Variants in MAF observed in about 807,000 individuals in gnomAD.
MAF encodes the protein MAF bZIP transcription factor.
MAF carries 10 observed loss-of-function variants against 22.0 expected under a neutral mutation model. The ratio of observed to expected loss-of-function variants is 0.45; its 90% CI spans 0.28 to 0.77. The LOEUF (loss-of-function observed/expected upper bound fraction) is 0.77, where lower values mean the gene tolerates loss of function less well. Among genes scored for constraint, MAF ranks in the 30% least tolerant of loss-of-function variants. MAF has a pLI of 0.12. For missense variants in MAF, 544 were observed against 548.4 expected (o/e 0.99, Z 0.08); for synonymous variants, 337 against 255.8 (o/e 1.32, Z -3.03).
At chr16:79,529,316 C>G in the MAF span, among the ~76,000 whole-genome samples, 4 of 152,162 alleles carry the variant, frequency 2.6e-5, no homozygotes, top group African/African-American at 9.7e-5. Flanking sequence ...CCCTCTCTAG[C>G]TGGAAGTTGG....
chr16:79,358,945 C>A, the MAF span, among the ~76,000 whole-genome samples: 1 of 152,278 alleles, frequency 6.6e-6, no homozygotes, highest in South Asian at 2.1e-4. Context: ...CAGGCCACCC[C>A]TGGCTGCTTG....
the MAF span, among the ~76,000 whole-genome samples, chr16:79,262,938 A>G: frequency 6.6e-6 from 1 of 152,194 alleles, no homozygotes; most frequent in Non-Finnish European, 1.5e-5. Context: ...GCAGCAGAGT[A>G]ATGAGTAGGA....
chr16:79,322,524 A>G, the MAF span, among the ~76,000 whole-genome samples: 1 of 152,212 alleles, frequency 6.6e-6, no homozygotes, highest in Non-Finnish European at 1.5e-5. Context: ...ACAAAACTAT[A>G]TTAAATACCT....
the MAF span, among the ~76,000 whole-genome samples, chr16:79,321,806 A>G: frequency 6.6e-6 from 1 of 151,904 alleles, no homozygotes; most frequent in Non-Finnish European, 1.5e-5. Context: ...GCCCACCACC[A>G]CACCTGGATA....
the MAF span, among the ~76,000 whole-genome samples, chr16:79,295,047 A>G: frequency 7.3e-5 from 11 of 150,938 alleles, no homozygotes; most frequent in Non-Finnish European, 7.4e-5. Context: ...GCTAGAAGCT[A>G]ATGCAGCAAA....
the MAF span, among the ~76,000 whole-genome samples, chr16:79,487,908 A>C: frequency 6.6e-6 from 1 of 152,284 alleles, no homozygotes; most frequent in Non-Finnish European, 1.5e-5. Flanking sequence ...TTAAATGAGA[A>C]TCTTTCCACG....
the MAF span, among the ~76,000 whole-genome samples, chr16:79,470,185 G>T: frequency 6.6e-6 from 1 of 152,316 alleles, no homozygotes; most frequent in South Asian, 2.1e-4. Context: ...TCACATGAGC[G>T]GCGGAGATAG....
At chr16:79,260,699 G>A in the MAF span, among the ~76,000 whole-genome samples, 1 of 152,324 alleles carries the variant, frequency 6.6e-6, no homozygotes, top group African/African-American at 2.4e-5. Context: ...ATCGGTGCCT[G>A]ATAGTCTTAG....
the MAF span, among the ~76,000 whole-genome samples, chr16:79,263,086 A>G: frequency 3.9e-5 from 6 of 152,190 alleles, no homozygotes; most frequent in African/African-American, 9.7e-5. Context: ...CAGGTCATCA[A>G]CACTCTTTTA....
the MAF span, among the ~76,000 whole-genome samples, chr16:79,415,766 C>G: frequency 6.6e-6 from 1 of 151,828 alleles, no homozygotes; most frequent in African/African-American, 2.4e-5. Context: ...CCTCCCCTTT[C>G]TATTGGGTGC....
chr16:79,407,514 G>C, the MAF span, among the ~76,000 whole-genome samples: 1 of 151,998 alleles, frequency 6.6e-6, no homozygotes, highest in African/African-American at 2.4e-5. Flanking sequence ...TGGGGGTGAA[G>C]TCCTGTAATC....
At chr16:79,472,827 G>A in the MAF span, among the ~76,000 whole-genome samples, 24 of 151,900 alleles carry the variant, frequency 1.6e-4, no homozygotes, top group African/African-American at 5.8e-4. Context: ...AAGAGAGAAA[G>A]AAAGAAAAAA....
At chr16:79,203,217 G>T in the MAF span, 1 of 152,156 alleles carries the variant, frequency 6.6e-6, no homozygotes, top group Admixed American at 6.6e-5. Flanking sequence ...CATTAATTAT[G>T]GAAGTAATAT....
chr16:79,359,234 A>G, the MAF span, among the ~76,000 whole-genome samples: 7 of 152,276 alleles, frequency 4.6e-5, no homozygotes, highest in Admixed American at 2.0e-4. Context: ...TTCCTAAACC[A>G]GGTCATCTTG....
the MAF span, among the ~76,000 whole-genome samples, chr16:79,279,941 C>T: frequency 6.6e-6 from 1 of 152,030 alleles, no homozygotes; most frequent in Non-Finnish European, 1.5e-5. Context: ...CGGGGCTTGC[C>T]CGGGACACAG....
chr16:79,251,848 TA>T, the MAF span, among the ~76,000 whole-genome samples: 1 of 152,204 alleles, frequency 6.6e-6, no homozygotes, highest in Non-Finnish European at 1.5e-5. Flanking sequence ...CATGATAATT[TA>T]AAAAAAATTT....
chr16:79,463,383 T>G, the MAF span, among the ~76,000 whole-genome samples: 1 of 152,226 alleles, frequency 6.6e-6, no homozygotes, highest in East Asian at 1.9e-4. Flanking sequence ...CTTACCTTGA[T>G]GCCCTGAAAG....
the MAF span, among the ~76,000 whole-genome samples, chr16:79,551,640 G>A: frequency 1.3e-5 from 2 of 152,124 alleles, no homozygotes; most frequent in African/African-American, 4.8e-5. Context: ...CCCACTGTTT[G>A]TTCTTGTGCA....
chr16:79,507,515 C>G, the MAF span, among the ~76,000 whole-genome samples: 11 of 151,564 alleles, frequency 7.3e-5, 1 homozygote, highest in African/African-American at 2.7e-4. Context: ...AGCCCTGCCT[C>G]CTGGGTTCAT....
Sources: allele counts gnomAD v4.1 joint callset (sites outside exome capture counted in the v4.1 genomes callset), GRCh38; gene constraint gnomAD v4.1.1; transcripts MANE v1.5; gene names NCBI Gene and HGNC (gene_info 2026-07-23, HGNC 2026-07-21).